ICE2: variants seen among roughly 807,000 people sequenced by gnomAD.
The protein encoded by ICE2 is little elongation complex subunit 2.
A neutral mutation model predicts 105.4 loss-of-function variants in ICE2; 87 were observed. The observed-to-expected ratio is 0.83, with a 90% CI of 0.69 to 0.99. ICE2 has a LOEUF of 0.99. Ranked by LOEUF, ICE2 falls within the 50% of genes least tolerant of loss-of-function variation. The probability of loss-of-function intolerance (pLI) is 0.00; values close to 1 mark genes in which losing one functional copy is unlikely to be tolerated. For missense variants in ICE2, 1,323 were observed against 1,146.7 expected (o/e 1.15, Z -2.22); for synonymous variants, 399 against 392.0 (o/e 1.02, Z -0.21).
chr15:60,461,255 C>T (rs1013353463), intron 5 of ICE2, among the ~76,000 whole-genome samples: 1 of 152,130 alleles, frequency 6.6e-6, no homozygotes, highest in Non-Finnish European at 1.5e-5. Context: ...CTTTGAAACA[C>T]TATTTAAAAA....
chr15:60,475,421 T>G (rs940139646), intron 3 of ICE2, among the ~76,000 whole-genome samples: 29 of 151,974 alleles, frequency 1.9e-4, no homozygotes, highest in South Asian at 1.5e-3. Context: ...CTTACAGAAA[T>G]AACTATAAAA....
At chr15:60,459,324 A>T (rs2064210640) in intron 5 of ICE2, among the ~76,000 whole-genome samples, 1 of 152,248 alleles carries the variant, frequency 6.6e-6, no homozygotes, top group Non-Finnish European at 1.5e-5. Flanking sequence ...CAATTAGACA[A>T]CACATTTTTC....
chr15:60,448,068 T>G lies in ICE2; in HGVS notation c.2197A>C (p.Lys733Gln). ...LAPQEGNFVY[K>Q]LFSLQDLLLL... The stretch of plus-strand genomic sequence containing the variant: ...AACAGGTCTTGCAGGCTAAATAACT[T>G]ATAAACAAAATTTCCTTCCTGAGGA... The change falls in exon 11 of 16, where the codon AAG (lysine) becomes CAG (glutamine). Residue 733 changes from lysine (K) to glutamine (Q), a missense_variant. Coordinates refer to ENST00000261520, the MANE Select transcript of ICE2 (RefSeq NM_024611.6). 6.2e-7 allele frequency: 1 copy of G among 1,613,752 alleles called. No homozygotes were observed. The highest frequency in any genetic ancestry group is 1.1e-5 in the South Asian group (1 of 91,064).
chr15:60,451,524 C>T (rs2063966199), intron 9 of ICE2: 1 of 984,382 alleles, frequency 1.0e-6, no homozygotes. Flanking sequence ...AATTCCAGAA[C>T]ACTTAGCAAC....
At chr15:60,470,441 G>A (rs28550783) in intron 3 of ICE2, among the ~76,000 whole-genome samples, 37,324 of 151,946 alleles carry the variant, frequency 0.25, 4,929 homozygotes, top group Middle Eastern at 0.45. Flanking sequence ...AGGTGTATTT[G>A]GATTGTCACA....
intron 11 of ICE2, chr15:60,445,682 A>T (rs1180777263): frequency 4.1e-6 from 4 of 985,146 alleles, no homozygotes; most frequent in Non-Finnish European, 4.8e-6. Context: ...AGTGAATTAC[A>T]ATGTCCTTAC....
Position 60,479,048 on chromosome 15 carries a change from C to G in ICE2, c.-138G>C, listed in dbSNP as rs879891373. 1.1e-5 allele frequency: 5 copies of G among 455,778 alleles called. No homozygotes were observed. Among genetic ancestry groups the G allele is most frequent in the Non-Finnish European group, 1.8e-5 (4 of 226,692 alleles). The allele number at this position is 455,778 out of a possible 1,614,324, so 28.2% of individuals were successfully genotyped here. ...TTGCCCAGGCCGCAGCCACACACCA[C>G]ACACGCTCCACCCCACTCCTCACAT... On this transcript the variant is annotated 5_prime_UTR_variant, in exon 1 of 16. Coordinates refer to ENST00000261520, the MANE Select transcript of ICE2 (RefSeq NM_024611.6).
At chr15:60,478,124 C>T (rs935987546) in intron 1 of ICE2, 55 bp from the exon 2 acceptor site, 2 of 702,748 alleles carry the variant, frequency 2.8e-6, no homozygotes, top group Non-Finnish European at 5.1e-6. Flanking sequence ...AGGCCAGGTG[C>T]TATTAGGTGA....
chr15:60,460,967 C>G (rs1364233208), intron 5 of ICE2, among the ~76,000 whole-genome samples: 1 of 152,088 alleles, frequency 6.6e-6, no homozygotes, highest in Non-Finnish European at 1.5e-5. Flanking sequence ...TTGGATAACT[C>G]CTTGTTGCGG....
At chr15:60,446,585 G>A (rs899398298) in intron 11 of ICE2, among the ~76,000 whole-genome samples, 1 of 152,008 alleles carries the variant, frequency 6.6e-6, no homozygotes, top group Non-Finnish European at 1.5e-5. Flanking sequence ...TTAGTAGAGA[G>A]GGGGTTTCAC....
Position 60,447,962 on chromosome 15 carries a change from C to A in ICE2, c.2295+8G>T, listed in dbSNP as rs1302276085. The A allele has an allele frequency of 6.2e-7, 1 of 1,602,910 alleles. No homozygotes were observed. Among genetic ancestry groups the A allele is most frequent in the Non-Finnish European group, 8.5e-7 (1 of 1,174,690 alleles). ...GATCATATTCTAACTCCGCAAATAA[C>A]AACTTACTCTTCTGATTTTCTTCCG... On this transcript the variant is annotated splice_region_variant and intron_variant, in intron 11 of 15. Transcript: ENST00000261520.
chr15:60,448,211 ACAATT>A (rs1333129333), intron 10 of ICE2, 66 bp from the exon 11 acceptor site: 6 of 1,002,360 alleles, frequency 6.0e-6, no homozygotes, highest in Non-Finnish European at 8.6e-6. Flanking sequence ...CAAGGATACA[ACAATT>A]CAATTAACTA....
chr15:60,449,507 T>G lies in ICE2; in HGVS notation c.1460A>C (p.Gln487Pro). ...TACCTTTTCACATGATTCAAATCCC[T>G]GATCATCTTTATTTTTGCATTCCTC... ...GPEECKNKDD[Q>P]GFESCEKVSN... is the part of the protein sequence containing the mutation. Residue 487 changes from glutamine (Q) to proline (P), a missense_variant, in exon 10 of 16, where the codon CAG becomes CCG. Transcript: ENST00000261520. The G allele has an allele frequency of 6.2e-7, 1 of 1,614,208 alleles. No homozygotes were observed. The highest frequency in any genetic ancestry group is 8.5e-7 in the Non-Finnish European group (1 of 1,180,022).
chr15:60,437,218 G>C (rs1263446730), intron 12 of ICE2, among the ~76,000 whole-genome samples: 1 of 151,782 alleles, frequency 6.6e-6, no homozygotes, highest in African/African-American at 2.4e-5. Context: ...CAGTGCTACA[G>C]CACTCCAGCC....
At chr15:60,465,642 G>T (rs2064402139) in intron 5 of ICE2, among the ~76,000 whole-genome samples, 1 of 151,508 alleles carries the variant, frequency 6.6e-6, no homozygotes, top group African/African-American at 2.4e-5. Flanking sequence ...TGTTCACAGT[G>T]ACCAGCTTTA....
At chr15:60,473,841 T>C (rs573361256) in intron 3 of ICE2, among the ~76,000 whole-genome samples, 5 of 152,364 alleles carry the variant, frequency 3.3e-5, no homozygotes, top group African/African-American at 1.2e-4. Flanking sequence ...ACAGACATTA[T>C]AATTATGCAC....
chr15:60,472,521 C>G (rs1007653290), intron 3 of ICE2, among the ~76,000 whole-genome samples: 1 of 152,036 alleles, frequency 6.6e-6, no homozygotes, highest in Non-Finnish European at 1.5e-5. Flanking sequence ...GTAAATTATA[C>G]TAATAGATTA....
intron 12 of ICE2, among the ~76,000 whole-genome samples, chr15:60,437,641 A>C (rs978393823): frequency 4.0e-5 from 6 of 149,072 alleles, no homozygotes; most frequent in African/African-American, 1.2e-4. Flanking sequence ...CTGAAGTCTT[A>C]TTTTTATTTA....
At chr15:60,424,562 A>G (rs56215579) in intron 15 of ICE2, among the ~76,000 whole-genome samples, 10,193 of 152,184 alleles carry the variant, frequency 0.067, 423 homozygotes, top group Middle Eastern at 0.12. Flanking sequence ...GCTGGAGGAC[A>G]GTTGGCGCGA....
Sources: gnomAD v4.1 joint callset for allele counts (sites outside exome capture counted in the v4.1 genomes callset) on GRCh38, gnomAD v4.1.1 for gene constraint, MANE v1.5 for transcripts, NCBI Gene and HGNC (gene_info 2026-07-23, HGNC 2026-07-21) for gene names.